The following SLA variants were observed in gnomAD, a reference collection of about 807,000 sequenced individuals.
The protein encoded by SLA is Src like adaptor.
Under a neutral mutation model 30.3 loss-of-function variants are expected in SLA, and 16 were observed. The ratio of observed to expected loss-of-function variants is 0.53; its 90% CI spans 0.36 to 0.80. The LOEUF (loss-of-function observed/expected upper bound fraction) is 0.80. SLA is among the 30% of genes least tolerant of loss of function. The pLI, the probability that SLA is intolerant of heterozygous loss-of-function variation, is 0.01. For synonymous variants in SLA, 143 were observed against 137.8 expected (o/e 1.04, Z -0.26); for missense variants, 310 against 345.2 (o/e 0.90, Z 0.81).
intron 6 of SLA, among the ~76,000 whole-genome samples, chr8:133,045,507 A>T (rs1194789570): frequency 1.4e-5 from 2 of 140,268 alleles, no homozygotes; most frequent in Non-Finnish European, 3.0e-5. Flanking sequence ...GGATCCTCCC[A>T]CCTCAGCCTC....
intron 7 of SLA, 40 bp from the exon 8 acceptor site, chr8:133,040,170 A>T (rs1837948900): frequency 6.4e-7 from 1 of 1,561,720 alleles, no homozygotes; most frequent in East Asian, 2.4e-5. Flanking sequence ...GACCCTGGGG[A>T]CGCCTCAGCC....
chr8:133,064,297 C>T (rs777028531), intron 2 of SLA: 8 of 152,198 alleles, frequency 5.3e-5, no homozygotes, highest in Admixed American at 2.0e-4. Flanking sequence ...CAACCATTGG[C>T]GTTTTTCAAA....
intron 1 of SLA, among the ~76,000 whole-genome samples, chr8:133,080,568 C>G (rs967810784): frequency 6.6e-6 from 1 of 152,182 alleles, no homozygotes; most frequent in Admixed American, 6.5e-5. Context: ...CCTCCTCAAG[C>G]AGCTGCCCCA....
chr8:133,101,554 C>T (rs1233765464), intron 1 of SLA, among the ~76,000 whole-genome samples: 1 of 151,166 alleles, frequency 6.6e-6, no homozygotes, highest in African/African-American at 2.4e-5. Flanking sequence ...CCATCTGGGG[C>T]TGAGAAACAG....
chr8:133,098,528 A>T (rs1376881349), intron 1 of SLA, among the ~76,000 whole-genome samples: 1 of 152,176 alleles, frequency 6.6e-6, no homozygotes, highest in East Asian at 1.9e-4. Context: ...GGGATGCAAA[A>T]TCTCTGTGCA....
At chr8:133,091,468 C>T (rs1847517594) in intron 1 of SLA, among the ~76,000 whole-genome samples, 1 of 152,166 alleles carries the variant, frequency 6.6e-6, no homozygotes, top group Non-Finnish European at 1.5e-5. Flanking sequence ...GCCCACCCCG[C>T]TTCTTGTTGC....
At chr8:133,084,902 G>A (rs1449915321) in intron 1 of SLA, among the ~76,000 whole-genome samples, 1 of 152,244 alleles carries the variant, frequency 6.6e-6, no homozygotes, top group African/African-American at 2.4e-5. Context: ...TAGAGGGTGG[G>A]TAGTGTCATG....
chr8:133,065,498 A>G (rs1161243362), intron 2 of SLA, among the ~76,000 whole-genome samples: 1 of 152,172 alleles, frequency 6.6e-6, no homozygotes, highest in East Asian at 1.9e-4. Flanking sequence ...GCGGTGGCTC[A>G]CACCTGTGAT....
chr8:133,095,123 T>G, intron 1 of SLA: 1 of 1,614,038 alleles, frequency 6.2e-7, no homozygotes, highest in Non-Finnish European at 8.5e-7. Flanking sequence ...GCAAAGGAGG[T>G]CAGTTGCCCC....
intron 7 of SLA, among the ~76,000 whole-genome samples, chr8:133,041,784 GTTTT>G (rs529937626): frequency 0.15 from 18,592 of 123,924 alleles, 1,705 homozygotes; most frequent in East Asian, 0.45. Flanking sequence ...CTTGTGGTCA[GTTTT>G]TTTTTTTTTT....
At chr8:133,048,943 T>C (rs1839938453) in intron 5 of SLA, 1 of 316,394 alleles carries the variant, frequency 3.2e-6, no homozygotes, top group Admixed American at 4.0e-5. Context: ...CCTCTGGACA[T>C]GAAGAAGTAA....
chr8:133,042,678 C>CCTTTTTTTTTTTTTTTTT (rs1554706932), intron 7 of SLA, among the ~76,000 whole-genome samples: 12 of 56,768 alleles, frequency 2.1e-4, no homozygotes, highest in East Asian at 1.3e-3. Context: ...CATTCTGTGT[C>CCTTTTTTTTTTTTTTTTT]TTTTTTTTTT....
At chr8:133,047,692 G>A (rs573941085) in intron 6 of SLA, 138 bp downstream of exon 6, 1 of 687,072 alleles carries the variant, frequency 1.5e-6, no homozygotes, top group East Asian at 2.7e-5. Flanking sequence ...CAGCGTGTGG[G>A]CTGCAGGGAG....
At position 133,096,963 on chromosome 8, in the gene SLA, A is replaced by G. The variant is rs200845879; in HGVS notation, c.-319+5590T>C. Among the ~76,000 whole-genome samples, 232 of 152,302 alleles carry G rather than the reference A, an allele frequency of 1.5e-3. 3 individuals are homozygous for G. The highest frequency in any genetic ancestry group is 5.2e-3 in the African/African-American group (215 of 41,556). On this transcript the variant is annotated intron_variant, in intron 1 of 8. Coordinates refer to ENST00000338087, the MANE Select transcript of SLA (RefSeq NM_001045556.3). ...CTCTCGCCAGAAGTTACAGCCACTC[A>G]CTAGGATGTGGCTAACCCTGGAAGA... is the stretch of plus-strand genomic sequence containing the variant.
Position 133,038,270 on chromosome 8 carries a change from C to T in SLA, c.*254G>A, listed in dbSNP as rs35763179. 1.9e-6 allele frequency: 1 copy of T among 527,944 alleles called. No homozygotes were observed. Among genetic ancestry groups the T allele is most frequent in the African/African-American group, 1.9e-5 (1 of 52,454 alleles). 32.7% of individuals were successfully genotyped at this position (527,944 alleles called of 1,614,324 possible). A position where few individuals can be genotyped will look rare whatever the true frequency, so the allele number is the denominator to read the frequency against. On this transcript the variant is annotated 3_prime_UTR_variant, in exon 9 of 9. Transcript: ENST00000338087. ...AATGTGTGCATACATACATGCTGGG[C>T]TCTTCCAAGCATCGCCCGACATGTC...
At chr8:133,063,116 A>G (rs1842611412) in intron 2 of SLA, among the ~76,000 whole-genome samples, 1 of 151,820 alleles carries the variant, frequency 6.6e-6, no homozygotes, top group South Asian at 2.1e-4. Context: ...CCCATTTGCC[A>G]CCATCTCCAG....
intron 1 of SLA, among the ~76,000 whole-genome samples, chr8:133,092,019 C>CA (rs1445708405): frequency 6.6e-6 from 1 of 152,134 alleles, no homozygotes; most frequent in Non-Finnish European, 1.5e-5. Context: ...CCCACTTAGA[C>CA]AAACTCCAAG....
chr8:133,097,029 G>A (rs993936872), intron 1 of SLA, among the ~76,000 whole-genome samples: 1 of 152,184 alleles, frequency 6.6e-6, no homozygotes, highest in Non-Finnish European at 1.5e-5. Flanking sequence ...CCCTGCCTTG[G>A]ACAAGCTACT....
At chr8:133,056,924 A>G (rs1314287826) in intron 3 of SLA, among the ~76,000 whole-genome samples, 1 of 152,144 alleles carries the variant, frequency 6.6e-6, no homozygotes, top group Non-Finnish European at 1.5e-5. Context: ...GCTACCTTCC[A>G]CCATCCCCAG....
Sources: gnomAD v4.1 joint callset for allele counts (sites outside exome capture counted in the v4.1 genomes callset) on GRCh38, gnomAD v4.1.1 for gene constraint, MANE v1.5 for transcripts, NCBI Gene and HGNC (gene_info 2026-07-23, HGNC 2026-07-21) for gene names.